The following IFT88 variants were observed in gnomAD, a reference collection of about 807,000 sequenced individuals.
IFT88 encodes the protein intraflagellar transport protein 88 homolog.
In IFT88, 74 loss-of-function variants were observed where a neutral mutation model predicts 119.5. The observed-to-expected ratio is 0.62, with a 90% CI of 0.51 to 0.75. The LOEUF (loss-of-function observed/expected upper bound fraction) is 0.75, where lower values mean the gene tolerates loss of function less well. IFT88 is among the 30% of genes least tolerant of loss of function. The pLI is 0.00. For missense variants in IFT88, 961 were observed against 977.7 expected (o/e 0.98, Z 0.23); for synonymous variants, 279 against 316.7 (o/e 0.88, Z 1.26).
chr13:20,577,378 T>A lies in IFT88; in HGVS notation c.90+2903T>A, dbSNP rs563762394. On this transcript the variant is annotated intron_variant, in intron 2 of 25. Coordinates refer to ENST00000351808, the MANE Select transcript of IFT88 (RefSeq NM_006531.5). ...CTTTCTCTTGCCTGATTGCACTAGC[T>A]AGGATTTCCAGTACTATGTTGAATA... 4.6e-5 allele frequency among the ~76,000 whole-genome samples: 7 copies of A among 152,322 alleles called. No homozygotes were observed. In the East Asian group the frequency reaches 1.2e-3, roughly 25 times the overall value.
At chr13:20,667,553 T>C (rs2054929005) in intron 23 of IFT88, among the ~76,000 whole-genome samples, 1 of 152,150 alleles carries the variant, frequency 6.6e-6, no homozygotes, top group Admixed American at 6.5e-5. Flanking sequence ...CTAATAAATT[T>C]TTATTTTTGC....
Position 20,625,911 on chromosome 13 carries a change from C to T in IFT88, c.1299+62C>T, listed in dbSNP as rs1267777624. The T allele has an allele frequency of 4.2e-6, 3 of 714,502 alleles. No homozygotes were observed. The East Asian group carries it at 8.3e-5, about 20-fold the overall frequency. 44.3% of individuals were successfully genotyped at this position (714,502 alleles called of 1,614,324 possible). On this transcript the variant is annotated intron_variant, in intron 15 of 25. Transcript: ENST00000351808. ...TCTTAATTGGTCAAAGCATTAAAAA[C>T]AGGTAAACTCCTTTCTAGAATAATG...
chr13:20,678,240 G>A (rs1167962670), intron 24 of IFT88, among the ~76,000 whole-genome samples: 1 of 152,100 alleles, frequency 6.6e-6, no homozygotes, highest in Non-Finnish European at 1.5e-5. Context: ...CTAAAACAAT[G>A]CATACTTGCC....
intron 20 of IFT88, among the ~76,000 whole-genome samples, chr13:20,646,455 A>T (rs958863786): frequency 7.2e-5 from 10 of 139,194 alleles, no homozygotes; most frequent in African/African-American, 2.7e-4. Context: ...GGCACATGCC[A>T]CTGCACCCGG....
intron 2 of IFT88, among the ~76,000 whole-genome samples, chr13:20,582,531 G>T (rs1054761476): frequency 6.6e-6 from 1 of 151,868 alleles, no homozygotes; most frequent in Non-Finnish European, 1.5e-5. Flanking sequence ...TAGAAAATAT[G>T]GCCTTTTCTA....
chr13:20,641,318 A>G lies in IFT88; in HGVS notation c.1602A>G (p.Leu534=). ...TTACCTATGAGAAACTAAATCGGCTAGATGAGGCTTTGGACTGTTTCCTGA... is the reference window on the plus strand; with the variant it reads ...TTACCTATGAGAAACTAAATCGGCTGGATGAGGCTTTGGACTGTTTCCTGA... ...IGLTYEKLNR[L]DEALDCFLKL... is the part of the protein sequence containing the mutation. The change falls in exon 18 of 26, where the codon CTA becomes CTG. Residue 534 remains leucine (L), a synonymous_variant. Transcript: ENST00000351808. 6.2e-7 allele frequency: 1 copy of G among 1,611,200 alleles called. No homozygotes were observed. Among genetic ancestry groups the G allele is most frequent in the Non-Finnish European group, 8.5e-7 (1 of 1,178,090 alleles).
chr13:20,568,230 C>T (rs549097182), intron 1 of IFT88, among the ~76,000 whole-genome samples: 2 of 151,984 alleles, frequency 1.3e-5, no homozygotes, highest in African/African-American at 2.4e-5. Context: ...ACATAGGTGG[C>T]ATCATCCCCA....
chr13:20,598,631 T>C lies in IFT88; in HGVS notation c.595-20T>C. 6.6e-7 allele frequency: 1 copy of C among 1,516,022 alleles called. No individual in the cohort carries two copies. 93.9% of individuals were successfully genotyped at this position (1,516,022 alleles called of 1,614,324 possible). ...CTAAAGTGGTCTTATGTGTCTTTTCTATAATATTTTCTTCCTTAGGTTCTT... is the reference window on the plus strand; with the variant it reads ...CTAAAGTGGTCTTATGTGTCTTTTCCATAATATTTTCTTCCTTAGGTTCTT... On this transcript the variant is annotated intron_variant, in intron 9 of 25. Transcript: ENST00000351808.
At chr13:20,570,536 A>G (rs1276971376) in intron 1 of IFT88, among the ~76,000 whole-genome samples, 1 of 152,268 alleles carries the variant, frequency 6.6e-6, no homozygotes, top group Non-Finnish European at 1.5e-5. Flanking sequence ...ATAAAAAGTA[A>G]TGAAATATTG....
intron 24 of IFT88, 57 bp from the exon 25 acceptor site, chr13:20,690,648 T>C: frequency 8.9e-7 from 1 of 1,125,822 alleles, no homozygotes; most frequent in Non-Finnish European, 1.4e-6. Context: ...ATGCATAATG[T>C]AGTTTTATGT....
At chr13:20,573,300 A>T (rs1295707450) in intron 1 of IFT88, among the ~76,000 whole-genome samples, 1 of 150,888 alleles carries the variant, frequency 6.6e-6, no homozygotes, top group African/African-American at 2.4e-5. Context: ...TCTGACAGAC[A>T]GCTTTGTATC....
intron 21 of IFT88, 116 bp downstream of exon 21, chr13:20,654,044 A>G (rs1238194048): frequency 6.1e-6 from 3 of 490,616 alleles, no homozygotes; most frequent in Admixed American, 3.9e-5. Context: ...AACTTTTTAT[A>G]ACTGTACATA....
chr13:20,625,746 A>T lies in IFT88; in HGVS notation c.1200-4A>T. The T allele has an allele frequency of 6.3e-7, 1 of 1,580,656 alleles. No individual in the cohort carries two copies. The highest frequency in any genetic ancestry group is 1.4e-5 in the African/African-American group (1 of 73,350). On this transcript the variant is annotated splice_polypyrimidine_tract_variant and splice_region_variant and intron_variant, in intron 14 of 25. Coordinates refer to ENST00000351808, the MANE Select transcript of IFT88 (RefSeq NM_006531.5). ...AGTAAGGTTTTTTATGCTTTCCCTT[A>T]TAGGTGCGTGGAAGTGGTGAAAGCT...
At position 20,690,358 on chromosome 13, in the gene IFT88, T is replaced by TA. The variant is rs1566503868; in HGVS notation, c.2243-346dup. ...TCTGAAAATCCTCAGTGATACATATTACATTTTTTCCTAAGGCAGCCATTG... is the reference window on the plus strand; with the variant it reads ...TCTGAAAATCCTCAGTGATACATATTAACATTTTTTCCTAAGGCAGCCATTG... On this transcript the variant is annotated intron_variant, in intron 24 of 25. Transcript: ENST00000351808. 2.0e-5 allele frequency among the ~76,000 whole-genome samples: 3 copies of TA among 152,210 alleles called. No homozygotes were observed. The South Asian group carries it at 6.2e-4, about 32-fold the overall frequency.
intron 24 of IFT88, among the ~76,000 whole-genome samples, chr13:20,677,737 T>C (rs1018902595): frequency 1.3e-5 from 2 of 152,234 alleles, no homozygotes; most frequent in African/African-American, 4.8e-5. Context: ...CTAAATTGAA[T>C]ATCATCTTCT....
At chr13:20,590,416 G>A (rs549605353) in intron 4 of IFT88, among the ~76,000 whole-genome samples, 1 of 152,200 alleles carries the variant, frequency 6.6e-6, no homozygotes, top group South Asian at 2.1e-4. Flanking sequence ...GAAGAATTAG[G>A]TGGAATAGCT....
At chr13:20,598,346 C>G (rs2042088286) in intron 9 of IFT88, among the ~76,000 whole-genome samples, 1 of 152,090 alleles carries the variant, frequency 6.6e-6, no homozygotes, top group African/African-American at 2.4e-5. Flanking sequence ...TTTCTTTGAT[C>G]ACCAGCAGCA....
intron 13 of IFT88, among the ~76,000 whole-genome samples, chr13:20,611,582 A>T (rs2044544484): frequency 1.3e-5 from 2 of 149,132 alleles, no homozygotes; most frequent in African/African-American, 2.5e-5. Flanking sequence ...CAAGATAGGG[A>T]TATCCGACTT....
At chr13:20,580,418 G>A (rs2038337067) in intron 2 of IFT88, among the ~76,000 whole-genome samples, 1 of 152,092 alleles carries the variant, frequency 6.6e-6, no homozygotes, top group South Asian at 2.1e-4. Flanking sequence ...TTGGAAGGCT[G>A]AGGCAGGAGA....
Sources: gnomAD v4.1 joint callset for allele counts (sites outside exome capture counted in the v4.1 genomes callset) on GRCh38, gnomAD v4.1.1 for gene constraint, MANE v1.5 for transcripts, NCBI Gene and HGNC (gene_info 2026-07-23, HGNC 2026-07-21) for gene names.